The following RAB3GAP2 variants were observed in gnomAD, a reference collection of about 807,000 sequenced individuals.
RAB3GAP2 encodes RAB3 GTPase activating non-catalytic protein subunit 2, also known as rab3 GTPase-activating protein non-catalytic subunit.
A neutral mutation model predicts 185.3 loss-of-function variants in RAB3GAP2; 87 were observed. That is an observed-to-expected ratio of 0.47 (90% CI 0.39 to 0.56). The LOEUF is 0.56. Among genes scored for constraint, RAB3GAP2 ranks in the 20% least tolerant of loss-of-function variants. RAB3GAP2 has a pLI of 0.00. For missense variants in RAB3GAP2, 1,492 were observed against 1,638.2 expected (o/e 0.91, Z 1.54); for synonymous variants, 554 against 576.1 (o/e 0.96, Z 0.55).
At chr1:220,207,584 T>A (rs992647083) in intron 7 of RAB3GAP2, 3 of 152,204 alleles carry the variant, frequency 2.0e-5, no homozygotes, top group Admixed American at 2.0e-4. Context: ...ATGGCATGTG[T>A]TCTCACATGA....
At chr1:220,160,460 C>T (rs1657944849) in intron 28 of RAB3GAP2, among the ~76,000 whole-genome samples, 1 of 152,194 alleles carries the variant, frequency 6.6e-6, no homozygotes. Flanking sequence ...CTGCTTAAAA[C>T]TGCCCCAGTG....
intron 3 of RAB3GAP2, among the ~76,000 whole-genome samples, chr1:220,213,396 T>C (rs1659119565): frequency 6.6e-6 from 1 of 152,056 alleles, no homozygotes; most frequent in Non-Finnish European, 1.5e-5. Context: ...GGTTTGGAGA[T>C]CTATAAGATA....
chr1:220,267,917 G>A, intron 1 of RAB3GAP2: 1 of 721,588 alleles, frequency 1.4e-6, no homozygotes, highest in Non-Finnish European at 2.5e-6. Context: ...ATTGGTCCGT[G>A]ATGCCTATGA....
chr1:220,217,531 C>G (rs1304542664), intron 2 of RAB3GAP2, among the ~76,000 whole-genome samples: 2 of 152,066 alleles, frequency 1.3e-5, no homozygotes, highest in Non-Finnish European at 2.9e-5. Flanking sequence ...CTTACTACTC[C>G]CTGCTACCTG....
rs571989970 is a variant in RAB3GAP2 at position 220,192,285 on chromosome 1, A to G, written c.1270+955T>C. On this transcript the variant is annotated intron_variant, in intron 13 of 34. Coordinates refer to ENST00000358951, the MANE Select transcript of RAB3GAP2 (RefSeq NM_012414.4). ...TAGTAGGTAAAGACTGCCTCTGTCT[A>G]TCACTGCAGGAGTTCTTTGGCAAGA... 1.3e-3 allele frequency among the ~76,000 whole-genome samples: 196 copies of G among 152,366 alleles called. 3 individuals carry two copies. Among genetic ancestry groups the G allele is most frequent in the African/African-American group, 4.6e-3 (192 of 41,584 alleles).
At chr1:220,194,248 A>T (rs1658681391) in intron 12 of RAB3GAP2, among the ~76,000 whole-genome samples, 1 of 147,490 alleles carries the variant, frequency 6.8e-6, no homozygotes, top group African/African-American at 2.5e-5. Flanking sequence ...AATAATAATG[A>T]AAAAAAAAAG....
chr1:220,185,125 C>G (rs1658485379), intron 18 of RAB3GAP2, among the ~76,000 whole-genome samples: 1 of 152,086 alleles, frequency 6.6e-6, no homozygotes, highest in Admixed American at 6.5e-5. Context: ...TGAATTTTTA[C>G]TAGTTCAGTT....
chr1:220,190,305 G>C (rs980230837), intron 15 of RAB3GAP2, 72 bp downstream of exon 15: 2 of 1,594,634 alleles, frequency 1.3e-6, no homozygotes, highest in Middle Eastern at 1.7e-4. Flanking sequence ...CTACAAAAGA[G>C]AGTACAACAA....
In RAB3GAP2 at chr1:220,155,068, CTTA is replaced by C. The variant is rs1216554990; in HGVS notation, c.3556-1014_3556-1012del. 1.1e-4 allele frequency among the ~76,000 whole-genome samples: 17 copies of C among 152,234 alleles called. No homozygotes were observed. In the East Asian group the frequency reaches 2.9e-3, roughly 26 times the overall value. ...CACTTGTTGAATTGTTTAAAAACACCTTATTTAAAAGAACAGATGTGTGTCTAA... is the reference window on the plus strand; with the variant it reads ...CACTTGTTGAATTGTTTAAAAACACCTTTAAAAGAACAGATGTGTGTCTAA... On this transcript the variant is annotated intron_variant, in intron 31 of 34. Coordinates refer to ENST00000358951, the MANE Select transcript of RAB3GAP2 (RefSeq NM_012414.4).
intron 2 of RAB3GAP2, chr1:220,220,675 A>C (rs947005107): frequency 6.6e-6 from 1 of 152,262 alleles, no homozygotes; most frequent in African/African-American, 2.4e-5. Context: ...TGTGGGAAGA[A>C]GCCGGTGGGA....
chr1:220,182,576 T>C, intron 20 of RAB3GAP2, 142 bp downstream of exon 20: 1 of 1,219,776 alleles, frequency 8.2e-7, no homozygotes, highest in Non-Finnish European at 1.1e-6. Context: ...GAGTATCTTT[T>C]GTTGGCCAAA....
chr1:220,235,966 T>C (rs4445474), intron 1 of RAB3GAP2, among the ~76,000 whole-genome samples: 6,192 of 152,282 alleles, frequency 0.041, 442 homozygotes, highest in African/African-American at 0.14. Flanking sequence ...TCTTCTATTA[T>C]CATAGGAATA....
intron 2 of RAB3GAP2, among the ~76,000 whole-genome samples, chr1:220,224,387 C>G (rs1659365922): frequency 6.6e-6 from 1 of 151,876 alleles, no homozygotes; most frequent in Admixed American, 6.6e-5. Context: ...AGAAAAAGGG[C>G]AAAGGAAAAC....
chr1:220,162,816 C>T (rs963252035), intron 27 of RAB3GAP2, among the ~76,000 whole-genome samples: 3 of 152,116 alleles, frequency 2.0e-5, no homozygotes, highest in African/African-American at 7.2e-5. Flanking sequence ...TTATTCCCAA[C>T]AGCCAAACAC....
chr1:220,153,787 T>C, intron 32 of RAB3GAP2, 181 bp downstream of exon 32: 1 of 712,270 alleles, frequency 1.4e-6, no homozygotes, highest in Middle Eastern at 4.5e-4. Flanking sequence ...GTGTGTGATG[T>C]TCCCCACCCT....
Position 220,150,646 on chromosome 1 carries a change from T to C in RAB3GAP2, c.*605A>G, listed in dbSNP as rs1657732167. On this transcript the variant is annotated 3_prime_UTR_variant, in exon 35 of 35. Coordinates refer to ENST00000358951, the MANE Select transcript of RAB3GAP2 (RefSeq NM_012414.4). The stretch of plus-strand genomic sequence containing the variant: ...TTAAGGGTTCTATTTAGTGTCCCCT[T>C]CTGATGAATATGATGATCTTGAACC... 1 of 153,076 alleles carries C rather than the reference T, an allele frequency of 6.5e-6. No homozygotes were observed. Among genetic ancestry groups the C allele is most frequent in the South Asian group, 2.1e-4 (1 of 4,846 alleles). 9.5% of individuals were successfully genotyped at this position (153,076 alleles called of 1,614,324 possible). A position where few individuals can be genotyped will look rare whatever the true frequency, so the allele number is the denominator to read the frequency against.
At chr1:220,181,318 C>G (rs1446456781) in intron 21 of RAB3GAP2, among the ~76,000 whole-genome samples, 1 of 152,036 alleles carries the variant, frequency 6.6e-6, no homozygotes, top group Non-Finnish European at 1.5e-5. Context: ...TTATCAGGAC[C>G]TTCTGTATCC....
At chr1:220,204,983 T>C (rs1233077627) in intron 8 of RAB3GAP2, among the ~76,000 whole-genome samples, 1 of 152,040 alleles carries the variant, frequency 6.6e-6, no homozygotes, top group African/African-American at 2.4e-5. Flanking sequence ...CAGTCTATCA[T>C]TGTTGTCTAT....
rs1660356056 is a variant in RAB3GAP2 at position 220,272,447 on chromosome 1, G to A, written c.-110C>T. On this transcript the variant is annotated 5_prime_UTR_variant, in exon 1 of 35. Coordinates refer to ENST00000358951, the MANE Select transcript of RAB3GAP2 (RefSeq NM_012414.4). ...AATAGCTCTAGCCAAGCAGAAGGCG[G>A]AGAAACCAAACCGGAAGCTGTCACT... 1.3e-6 allele frequency: 1 copy of A among 745,174 alleles called. No homozygotes were observed. Among genetic ancestry groups the A allele is most frequent in the South Asian group, 1.5e-5 (1 of 67,366 alleles). 46.2% of individuals were successfully genotyped at this position (745,174 alleles called of 1,614,324 possible). A position where few individuals can be genotyped will look rare whatever the true frequency, so the allele number is the denominator to read the frequency against.
Sources: gnomAD v4.1 joint callset for allele counts (sites outside exome capture counted in the v4.1 genomes callset) on GRCh38, gnomAD v4.1.1 for gene constraint, MANE v1.5 for transcripts, NCBI Gene and HGNC (gene_info 2026-07-23, HGNC 2026-07-21) for gene names.